The following CDH8 variants were observed in gnomAD, a reference collection of about 807,000 sequenced individuals.
CDH8 encodes cadherin-8.
A neutral mutation model predicts 68.1 loss-of-function variants in CDH8; 17 were observed. That is an observed-to-expected ratio of 0.25 (90% CI 0.17 to 0.37). The LOEUF (loss-of-function observed/expected upper bound fraction) is 0.37, where lower values mean the gene tolerates loss of function less well. Ranked by LOEUF, CDH8 falls within the 10% of genes least tolerant of loss-of-function variation. CDH8 has a pLI of 1.00. For missense variants in CDH8, 763 were observed against 999.3 expected (o/e 0.76, Z 3.19); for synonymous variants, 372 against 365.1 (o/e 1.02, Z -0.21).
At chr16:61,741,958 G>T (rs2142925925) in intron 8 of CDH8, among the ~76,000 whole-genome samples, 1 of 152,218 alleles carries the variant, frequency 6.6e-6, no homozygotes, top group African/African-American at 2.4e-5. Context: ...TAAATTTAGA[G>T]AATTGACATT....
intron 2 of CDH8, among the ~76,000 whole-genome samples, chr16:61,964,569 T>C (rs116838252): frequency 0.021 from 3,138 of 151,838 alleles, 85 homozygotes; most frequent in African/African-American, 0.065. Flanking sequence ...CAATCTTGAA[T>C]GAAACCAGGT....
At chr16:61,759,373 GGAA>G (rs751793700) in intron 8 of CDH8, among the ~76,000 whole-genome samples, 103 of 151,534 alleles carry the variant, frequency 6.8e-4, no homozygotes, top group Admixed American at 3.4e-3. Flanking sequence ...AGGAGGAGGA[GGAA>G]GAAGAGGAAG....
intron 7 of CDH8, among the ~76,000 whole-genome samples, chr16:61,809,666 A>T (rs1961892399): frequency 6.6e-6 from 1 of 152,250 alleles, no homozygotes; most frequent in African/African-American, 2.4e-5. Flanking sequence ...GGCAGAAAGC[A>T]TCATGATATT....
intron 8 of CDH8, among the ~76,000 whole-genome samples, chr16:61,765,560 CAATTGTATTCA>C (rs1309045111): frequency 6.6e-6 from 1 of 151,940 alleles, no homozygotes; most frequent in Non-Finnish European, 1.5e-5. Flanking sequence ...TATAGATATA[CAATTGTATTCA>C]AAAATGCTCT....
At chr16:61,812,790 C>G (rs78007249) in intron 7 of CDH8, among the ~76,000 whole-genome samples, 2 of 152,132 alleles carry the variant, frequency 1.3e-5, no homozygotes, top group African/African-American at 4.8e-5. Flanking sequence ...TCTAGAAGAG[C>G]GTGCATAGGT....
intron 2 of CDH8, among the ~76,000 whole-genome samples, chr16:62,020,307 C>A (rs1902040291): frequency 6.6e-6 from 1 of 152,080 alleles, no homozygotes; most frequent in Admixed American, 6.6e-5. Flanking sequence ...TGGAATTATA[C>A]CTACATGAAG....
At chr16:61,872,123 A>G (rs1378344036) in intron 3 of CDH8, among the ~76,000 whole-genome samples, 1 of 152,234 alleles carries the variant, frequency 6.6e-6, no homozygotes, top group Non-Finnish European at 1.5e-5. Flanking sequence ...TAACCCAAGG[A>G]AAAGAGCTAA....
At chr16:61,695,021 C>A (rs1964299602) in intron 10 of CDH8, among the ~76,000 whole-genome samples, 1 of 152,074 alleles carries the variant, frequency 6.6e-6, no homozygotes, top group Non-Finnish European at 1.5e-5. Flanking sequence ...ACCGCGTGAT[C>A]CCCCGCCTCA....
intron 7 of CDH8, among the ~76,000 whole-genome samples, chr16:61,801,182 T>G (rs187556087): frequency 1.3e-5 from 2 of 152,338 alleles, no homozygotes; most frequent in East Asian, 3.9e-4. Flanking sequence ...TTGTGCAATC[T>G]CTACCACCTT....
At chr16:61,751,614 C>T (rs183598559) in intron 8 of CDH8, among the ~76,000 whole-genome samples, 67 of 152,042 alleles carry the variant, frequency 4.4e-4, no homozygotes, top group African/African-American at 1.5e-3. Context: ...CATGGGGTCG[C>T]TGCATAAAAA....
At chr16:61,813,556 G>A (rs1312112278) in intron 7 of CDH8, among the ~76,000 whole-genome samples, 2 of 152,146 alleles carry the variant, frequency 1.3e-5, no homozygotes, top group Non-Finnish European at 2.9e-5. Flanking sequence ...TGCGCACTGG[G>A]GGAACAGGGT....
At chr16:61,979,807 T>C (rs1407979126) in intron 2 of CDH8, among the ~76,000 whole-genome samples, 2 of 152,360 alleles carry the variant, frequency 1.3e-5, no homozygotes, top group Non-Finnish European at 2.9e-5. Flanking sequence ...ATGCATTTTA[T>C]GCCAGATACT....
chr16:61,738,325 C>T (rs1440361307), intron 8 of CDH8, among the ~76,000 whole-genome samples: 4 of 152,136 alleles, frequency 2.6e-5, no homozygotes, highest in Non-Finnish European at 4.4e-5. Context: ...TTACATTCGT[C>T]TTCAGTGAAC....
intron 2 of CDH8, among the ~76,000 whole-genome samples, chr16:61,917,868 A>T (rs1324962348): frequency 6.6e-6 from 1 of 152,132 alleles, no homozygotes; most frequent in Admixed American, 6.5e-5. Context: ...GCCCTGGAAG[A>T]AACAGGGGTG....
chr16:61,656,099 G>T (rs1393085501), intron 10 of CDH8, among the ~76,000 whole-genome samples: 4 of 151,928 alleles, frequency 2.6e-5, no homozygotes, highest in Admixed American at 2.6e-4. Context: ...GTCTCCATCT[G>T]CTGACCTCGT....
intron 2 of CDH8, among the ~76,000 whole-genome samples, chr16:61,992,510 G>A (rs953331359): frequency 2.0e-5 from 3 of 151,088 alleles, no homozygotes; most frequent in South Asian, 2.1e-4. Context: ...GTTAATGGGT[G>A]CAGCACACCA....
intron 10 of CDH8, among the ~76,000 whole-genome samples, chr16:61,699,548 C>T (rs888867072): frequency 1.3e-5 from 2 of 151,960 alleles, no homozygotes; most frequent in African/African-American, 4.8e-5. Flanking sequence ...AGTCTTTTCA[C>T]TCATCATTAT....
rs115106958 is a variant in CDH8, at chr16:61,668,381, C to T, written c.1655-12660G>A. ...GCTTGCTCTTACTCAAAATGCTCCACGCACCTTTTGCAGATCCCTTAATGC... is the reference window on the plus strand; with the variant it reads ...GCTTGCTCTTACTCAAAATGCTCCATGCACCTTTTGCAGATCCCTTAATGC... On this transcript the variant is annotated intron_variant, in intron 10 of 11. Transcript: ENST00000577390. Among the ~76,000 whole-genome samples the T allele has an allele frequency of 9.4e-3, 1,429 of 151,904 alleles. 22 individuals carry two copies. Among genetic ancestry groups the T allele is most frequent in the African/African-American group, 0.031 (1,302 of 41,488 alleles).
chr16:61,859,315 G>A (rs1479747762), intron 3 of CDH8, among the ~76,000 whole-genome samples: 2 of 152,134 alleles, frequency 1.3e-5, no homozygotes, highest in African/African-American at 4.8e-5. Flanking sequence ...AACCTTCTAG[G>A]TAAAAGGAAG....
Sources: allele counts gnomAD v4.1 joint callset (sites outside exome capture counted in the v4.1 genomes callset), GRCh38; gene constraint gnomAD v4.1.1; transcripts MANE v1.5; gene names NCBI Gene and HGNC (gene_info 2026-07-23, HGNC 2026-07-21).